Variants in PHF14 observed in about 807,000 individuals in gnomAD.
The protein encoded by PHF14 is PHD finger protein 14.
A neutral mutation model predicts 117.9 loss-of-function variants in PHF14; 55 were observed. The ratio of observed to expected loss-of-function variants is 0.47; its 90% CI spans 0.38 to 0.58. The LOEUF (loss-of-function observed/expected upper bound fraction) is 0.58, where lower values mean the gene tolerates loss of function less well. Among genes scored for constraint, PHF14 ranks in the 20% least tolerant of loss-of-function variants. The probability of loss-of-function intolerance (pLI) is 0.00; values close to 1 mark genes in which losing one functional copy is unlikely to be tolerated. For synonymous variants in PHF14, 409 were observed against 368.6 expected, an observed-to-expected ratio of 1.11 and a Z score of -1.26; for missense variants, 978 against 1,122.2, an observed-to-expected ratio of 0.87 and a Z score of 1.84.
At chr7:11,162,741 G>A (rs919343645) in intron 17 of PHF14, among the ~76,000 whole-genome samples, 3 of 139,730 alleles carry the variant, frequency 2.1e-5, no homozygotes, top group African/African-American at 8.1e-5. Flanking sequence ...CGGTCTTGTC[G>A]CCCAGGCTGG....
chr7:10,985,269 T>A (rs1782177975), intron 3 of PHF14, among the ~76,000 whole-genome samples: 1 of 152,176 alleles, frequency 6.6e-6, no homozygotes, highest in East Asian at 1.9e-4. Flanking sequence ...AATTTCTGTG[T>A]CCAATACATA....
chr7:11,068,928 T>G (rs1785515840), intron 16 of PHF14, among the ~76,000 whole-genome samples: 1 of 152,208 alleles, frequency 6.6e-6, no homozygotes, highest in African/African-American at 2.4e-5. Flanking sequence ...ACTTTAGGAA[T>G]CTTGCATGTC....
intron 7 of PHF14, among the ~76,000 whole-genome samples, chr7:11,029,599 C>A (rs893632825): frequency 6.6e-6 from 1 of 151,964 alleles, no homozygotes; most frequent in East Asian, 1.9e-4. Context: ...GTGTATACTT[C>A]GGTAATGGAC....
intron 17 of PHF14, among the ~76,000 whole-genome samples, chr7:11,145,805 G>A (rs770900859): frequency 1.1e-4 from 16 of 151,964 alleles, no homozygotes; most frequent in Non-Finnish European, 1.6e-4. Context: ...CATCATAGAT[G>A]CCTAAACCTT....
rs570049177 is a variant in PHF14 at position 11,005,671 on chromosome 7, C to G, written c.1046-8076C>G. 2.6e-5 allele frequency among the ~76,000 whole-genome samples: 4 copies of G among 151,856 alleles called. No individual in the cohort carries two copies. In the East Asian group the frequency reaches 7.7e-4, roughly 29 times the overall value. ...TTAATGATACATAGAATGGCTCAAC[C>G]ATAATGTACTTATTTTTTTGTTTCA... is the stretch of plus-strand genomic sequence containing the variant. On this transcript the variant is annotated intron_variant, in intron 4 of 17. Transcript: ENST00000634607.
chr7:11,158,308 A>G (rs1270624136), intron 17 of PHF14, among the ~76,000 whole-genome samples: 1 of 152,022 alleles, frequency 6.6e-6, no homozygotes, highest in Non-Finnish European at 1.5e-5. Context: ...ATTTTGTAGA[A>G]TGTCCCACAA....
intron 16 of PHF14, among the ~76,000 whole-genome samples, chr7:11,097,430 A>C (rs535684354): frequency 1.6e-4 from 25 of 152,332 alleles, no homozygotes; most frequent in African/African-American, 5.8e-4. Flanking sequence ...GAGTCTCCTC[A>C]GTTTTCTAAA....
chr7:11,080,364 T>G (rs1786049209), intron 16 of PHF14, among the ~76,000 whole-genome samples: 1 of 152,152 alleles, frequency 6.6e-6, no homozygotes. Context: ...AAACACTACT[T>G]GGTGTTTTTT....
rs558539521 is a variant in PHF14 at position 11,070,217 on chromosome 7, A to G, written c.2654+8132A>G. On this transcript the variant is annotated intron_variant, in intron 16 of 17. Coordinates refer to ENST00000634607, the MANE Select transcript of PHF14 (RefSeq NM_001007157.2). Reference sequence around the variant, plus strand: ...CTCAGCCTCCTTAGTAGCTGTGACTACAAGTGCGCGCCACCATGCCCAGCT... The same window carrying G: ...CTCAGCCTCCTTAGTAGCTGTGACTGCAAGTGCGCGCCACCATGCCCAGCT... Among the ~76,000 whole-genome samples, 464 of 151,142 alleles carry G rather than the reference A, an allele frequency of 3.1e-3. 2 individuals carry two copies. Among genetic ancestry groups the G allele is most frequent in the African/African-American group, 0.011 (443 of 41,242 alleles).
In PHF14 at chr7:11,062,052, G is replaced by C. The variant is rs1199845982; in HGVS notation, c.2621G>C (p.Cys874Ser). ...GATTTAAGAACTGAATGTGCAACTT[G>C]CAAGGGAACTGGAGACAATGAAAAT... ...AEDLRTECATCKGTGDNENLV... is the reference protein window; with the variant it reads ...AEDLRTECATSKGTGDNENLV... The change falls in exon 16 of 18, where the codon TGC becomes TCC. Residue 874 changes from cysteine to serine, a missense_variant. By Grantham distance (112) the Cys-to-Ser change is moderately radical (BLOSUM62 -1). Coordinates refer to ENST00000634607, the MANE Select transcript of PHF14 (RefSeq NM_001007157.2). The C allele has an allele frequency of 6.2e-7, 1 of 1,608,924 alleles. No homozygotes were observed. The highest frequency in any genetic ancestry group is 8.5e-7 in the Non-Finnish European group (1 of 1,177,336).
intron 14 of PHF14, among the ~76,000 whole-genome samples, chr7:11,054,517 G>A (rs1784951109): frequency 6.6e-6 from 1 of 152,016 alleles, no homozygotes; most frequent in South Asian, 2.1e-4. Flanking sequence ...TTTTGGTCTT[G>A]ATCTTACCAT....
intron 2 of PHF14, among the ~76,000 whole-genome samples, chr7:10,981,330 C>T (rs1012372823): frequency 1.1e-4 from 16 of 152,254 alleles, no homozygotes; most frequent in Non-Finnish European, 2.2e-4. Context: ...CTGGTTTCTT[C>T]CCCATCTCCT....
In PHF14 at chr7:11,151,552, A is replaced by G. The variant is rs111659857; in HGVS notation, c.2773-17864A>G. On this transcript the variant is annotated intron_variant, in intron 17 of 17. Coordinates refer to ENST00000634607, the MANE Select transcript of PHF14 (RefSeq NM_001007157.2). ...CCAGCCTGGGCGACAGCAAGACCCT[A>G]TCTCAAAATAAATAAATTTATAACT... is the stretch of plus-strand genomic sequence containing the variant. Among the ~76,000 whole-genome samples, 1,087 of 152,204 alleles carry G rather than the reference A, an allele frequency of 7.1e-3. 13 individuals carry two copies. Among genetic ancestry groups the G allele is most frequent in the African/African-American group, 0.025 (1,044 of 41,546 alleles).
chr7:11,087,417 C>T lies in PHF14; in HGVS notation c.2655-23933C>T, dbSNP rs1471575309. Among the ~76,000 whole-genome samples the T allele has an allele frequency of 1.3e-5, 2 of 152,124 alleles. 1 individual carries two copies. Among genetic ancestry groups the T allele is most frequent in the Admixed American group, 1.3e-4 (2 of 15,274 alleles). On this transcript the variant is annotated intron_variant, in intron 16 of 17. Transcript: ENST00000634607. ...ATGTTGGCCATACTGGTCTCGAACT[C>T]CTGACCTTGTGATCCACCTGCCTCG...
rs1362377360 is a variant in PHF14 at position 11,130,337 on chromosome 7, T to C, written c.2772+18870T>C. ...CTTCCAAGACCTTTCTGGGATTCATTCCAGGATTCAAGGAAATCCTTGGAG... is the reference window on the plus strand; with the variant it reads ...CTTCCAAGACCTTTCTGGGATTCATCCCAGGATTCAAGGAAATCCTTGGAG... On this transcript the variant is annotated intron_variant, in intron 17 of 17. Transcript: ENST00000634607. This position sits in a 1 kb window ranked among gnomAD's most constrained non-coding sequence, Gnocchi z 4.2. Among the ~76,000 whole-genome samples, 1 of 152,030 alleles carries C rather than the reference T, an allele frequency of 6.6e-6. No individual in the cohort carries two copies. Among genetic ancestry groups the C allele is most frequent in the East Asian group, 1.9e-4 (1 of 5,194 alleles).
intron 3 of PHF14, among the ~76,000 whole-genome samples, chr7:10,990,327 T>C (rs1355929084): frequency 1.3e-5 from 2 of 152,220 alleles, no homozygotes; most frequent in Non-Finnish European, 2.9e-5. Context: ...AACACATGTA[T>C]AGGATCAATG....
intron 4 of PHF14, among the ~76,000 whole-genome samples, chr7:11,002,767 C>G (rs774333486): frequency 1.3e-4 from 19 of 151,922 alleles, no homozygotes; most frequent in Non-Finnish European, 2.4e-4. Context: ...TCTTAATCCT[C>G]TTAATAATGG....
At chr7:11,113,504 A>C (rs991302501) in intron 17 of PHF14, among the ~76,000 whole-genome samples, 1 of 152,194 alleles carries the variant, frequency 6.6e-6, no homozygotes, top group Non-Finnish European at 1.5e-5. Context: ...AAAATTTTAT[A>C]AAATATGGTT....
chr7:11,049,919 A>T (rs1003924375), intron 13 of PHF14, among the ~76,000 whole-genome samples: 8 of 152,220 alleles, frequency 5.3e-5, no homozygotes, highest in African/African-American at 1.9e-4. Flanking sequence ...CAATAGATAC[A>T]TAAAAGTTTT....
Sources: gnomAD v4.1 joint callset for allele counts (sites outside exome capture counted in the v4.1 genomes callset) on GRCh38, gnomAD v4.1.1 for gene constraint, Gnocchi (gnomAD v3.1) non-coding constraint, MANE v1.5 for transcripts, NCBI Gene and HGNC (gene_info 2026-07-23, HGNC 2026-07-21) for gene names.